The following SND1 variants were observed in gnomAD, a reference collection of about 807,000 sequenced individuals.
SND1 encodes staphylococcal nuclease and tudor domain containing 1.
SND1 carries 38 observed loss-of-function variants against 121.7 expected under a neutral mutation model. The ratio of observed to expected loss-of-function variants is 0.31; its 90% CI spans 0.24 to 0.41. The LOEUF is 0.41. Ranked by LOEUF, SND1 falls within the 10% of genes least tolerant of loss-of-function variation. SND1 has a pLI of 1.00. For missense variants in SND1, 868 were observed against 1,184.6 expected, an observed-to-expected ratio of 0.73 and a Z score of 3.92; for synonymous variants, 401 against 447.4, an observed-to-expected ratio of 0.90 and a Z score of 1.31.
intron 11 of SND1, among the ~76,000 whole-genome samples, chr7:127,827,629 C>T (rs1177708720): frequency 6.6e-6 from 1 of 152,048 alleles, no homozygotes; most frequent in East Asian, 1.9e-4. Context: ...TTAATTTATT[C>T]TATTCTTATG....
At chr7:127,960,998 G>C (rs1801717908) in intron 15 of SND1, among the ~76,000 whole-genome samples, 1 of 152,188 alleles carries the variant, frequency 6.6e-6, no homozygotes, top group Admixed American at 6.5e-5. Context: ...GGAGGTGTAG[G>C]CACATCTCTG....
chr7:127,858,625 C>T, intron 12 of SND1: 1 of 284,502 alleles, frequency 3.5e-6, no homozygotes. Flanking sequence ...AAACACCACT[C>T]TCCTGCTCCT....
intron 15 of SND1, among the ~76,000 whole-genome samples, chr7:127,971,796 G>A (rs1327716058): frequency 4.4e-5 from 6 of 136,530 alleles, no homozygotes; most frequent in Admixed American, 7.6e-5. Flanking sequence ...TTTTTGATTC[G>A]GAGTCTCACT....
Position 127,687,712 on chromosome 7 carries a change from A to C in SND1, c.228+950A>C, listed in dbSNP as rs190208978. On this transcript the variant is annotated intron_variant, in intron 2 of 23. Coordinates refer to ENST00000354725, the MANE Select transcript of SND1 (RefSeq NM_014390.4). ...ATTTTTTTTGTTTTGTTTTGAGACAAGGTCTCTGTTGCCCGGGCTGGAGTG... is the reference window on the plus strand; with the variant it reads ...ATTTTTTTTGTTTTGTTTTGAGACACGGTCTCTGTTGCCCGGGCTGGAGTG... Among the ~76,000 whole-genome samples, 390 of 152,074 alleles carry C rather than the reference A, an allele frequency of 2.6e-3. 4 individuals are homozygous for C. The highest frequency in any genetic ancestry group is 9.2e-3 in the African/African-American group (381 of 41,490).
rs73455713 is a variant in SND1, at chr7:127,929,253, G to A, written c.1593G>A (p.Val531=). The part of the protein sequence containing the change: ...LQRAGRSEAV[V]EYVFSGSRLK... ...GGGCAGGTCGTTCTGAAGCTGTGGT[G>A]GAATACGTCTTCAGTGGTTCTCGTC... Residue 531 remains valine, a synonymous_variant, in exon 15 of 24, where the codon GTG becomes GTA. Coordinates refer to ENST00000354725, the MANE Select transcript of SND1 (RefSeq NM_014390.4). The A allele has an allele frequency of 3.0e-4, 492 of 1,613,868 alleles. 1 individual carries two copies. The African/African-American group carries it at 5.6e-3, about 18-fold the overall frequency.
intron 16 of SND1, chr7:127,999,827 C>G (rs887847287): frequency 2.6e-5 from 4 of 152,108 alleles, no homozygotes; most frequent in African/African-American, 7.2e-5. Flanking sequence ...TAGCTATTGC[C>G]AGGCACATTC....
chr7:127,730,505 G>A (rs1212507557), intron 10 of SND1, among the ~76,000 whole-genome samples: 2 of 152,154 alleles, frequency 1.3e-5, no homozygotes, highest in East Asian at 1.9e-4. Flanking sequence ...ACTTTATTGG[G>A]CAATTAGTGT....
At chr7:127,986,779 G>A (rs1338944351) in intron 15 of SND1, among the ~76,000 whole-genome samples, 1 of 152,224 alleles carries the variant, frequency 6.6e-6, no homozygotes, top group Admixed American at 6.5e-5. Context: ...TGTCTTACCT[G>A]CCTCTCCTGT....
intron 22 of SND1, 23 bp downstream of exon 22, chr7:128,089,715 C>T (rs758530537): frequency 2.2e-5 from 35 of 1,605,090 alleles, no homozygotes; most frequent in Non-Finnish European, 2.9e-5. Context: ...GAGAGGCGGC[C>T]CCAGCATTGC....
chr7:127,929,839 T>G lies in SND1; in HGVS notation c.1669+510T>G, dbSNP rs546704638. 2.0e-5 allele frequency among the ~76,000 whole-genome samples: 3 copies of G among 152,326 alleles called. No homozygotes were observed. In the East Asian group the frequency reaches 5.8e-4, roughly 29 times the overall value. On this transcript the variant is annotated intron_variant, in intron 15 of 23. Transcript: ENST00000354725. ...CCATGACGTTGCTTTCACACGCTCTTCCCACATCGATAGTATTTCTTGTTG... is the reference window on the plus strand; with the variant it reads ...CCATGACGTTGCTTTCACACGCTCTGCCCACATCGATAGTATTTCTTGTTG...
chr7:127,773,180 G>A (rs542351530), intron 10 of SND1, among the ~76,000 whole-genome samples: 18 of 152,278 alleles, frequency 1.2e-4, no homozygotes, highest in African/African-American at 3.8e-4. Context: ...TTGGCCAGGC[G>A]TGGTGGCTCA....
At chr7:127,974,232 G>A (rs926528476) in intron 15 of SND1, among the ~76,000 whole-genome samples, 10 of 152,216 alleles carry the variant, frequency 6.6e-5, no homozygotes, top group East Asian at 1.9e-4. Context: ...GATTTAATAC[G>A]ATACAGCATC....
chr7:127,753,750 C>G (rs911735175), intron 10 of SND1, among the ~76,000 whole-genome samples: 4 of 152,146 alleles, frequency 2.6e-5, no homozygotes, highest in African/African-American at 9.7e-5. Context: ...TCTATTATTT[C>G]CTGCCTTCTT....
intron 16 of SND1, among the ~76,000 whole-genome samples, chr7:128,018,732 T>G (rs114653674): frequency 6.6e-6 from 1 of 152,214 alleles, no homozygotes; most frequent in African/African-American, 2.4e-5. Flanking sequence ...AGGGGCAAAA[T>G]AAGGGACTCC....
chr7:127,992,614 CTCA>C (rs1248182977), intron 16 of SND1, among the ~76,000 whole-genome samples: 1 of 152,202 alleles, frequency 6.6e-6, no homozygotes, highest in East Asian at 1.9e-4. Context: ...TGATGGCATT[CTCA>C]TCATTTACTG....
intron 16 of SND1, among the ~76,000 whole-genome samples, chr7:128,045,580 C>T (rs1792931345): frequency 6.6e-6 from 1 of 152,194 alleles, no homozygotes; most frequent in Non-Finnish European, 1.5e-5. Flanking sequence ...GTGGTAAAGA[C>T]TCATGGGTCA....
At chr7:128,071,441 A>T (rs983357356) in intron 16 of SND1, among the ~76,000 whole-genome samples, 10 of 152,260 alleles carry the variant, frequency 6.6e-5, no homozygotes, top group Admixed American at 3.9e-4. Flanking sequence ...CTCTGTGTCT[A>T]TCTTTTAATT....
At chr7:127,737,598 A>AG (rs1796799958) in intron 10 of SND1, among the ~76,000 whole-genome samples, 1 of 152,182 alleles carries the variant, frequency 6.6e-6, no homozygotes, top group African/African-American at 2.4e-5. Flanking sequence ...TGGTATGTAT[A>AG]GGGGGGTTAT....
At chr7:127,678,520 G>C (rs1259959163) in intron 1 of SND1, among the ~76,000 whole-genome samples, 2 of 151,690 alleles carry the variant, frequency 1.3e-5, no homozygotes, top group Non-Finnish European at 2.9e-5. Flanking sequence ...TGAATGTTGG[G>C]CCCTCTAATT....
Sources: allele counts gnomAD v4.1 joint callset (sites outside exome capture counted in the v4.1 genomes callset), GRCh38; gene constraint gnomAD v4.1.1; transcripts MANE v1.5; gene names NCBI Gene and HGNC (gene_info 2026-07-23, HGNC 2026-07-21).